MEF2D: variants seen among roughly 807,000 people sequenced by gnomAD.
The protein encoded by MEF2D is myocyte-specific enhancer factor 2D.
A neutral mutation model predicts 59.3 loss-of-function variants in MEF2D; 10 were observed. That is an observed-to-expected ratio of 0.17 (90% CI 0.10 to 0.29). MEF2D has a LOEUF of 0.29. Ranked by LOEUF, MEF2D falls within the 10% of genes least tolerant of loss-of-function variation. The probability of loss-of-function intolerance (pLI) is 1.00; values close to 1 mark genes in which losing one functional copy is unlikely to be tolerated. For missense variants in MEF2D, 508 were observed against 699.4 expected (o/e 0.73, Z 3.09); for synonymous variants, 305 against 295.0 (o/e 1.03, Z -0.35).
intron 1 of MEF2D, among the ~76,000 whole-genome samples, chr1:156,494,635 G>A (rs1673022178): frequency 1.3e-5 from 2 of 152,212 alleles, no homozygotes; most frequent in Non-Finnish European, 2.9e-5. Context: ...GCCTTAGCAG[G>A]CCAGTCCTGG....
chr1:156,484,717 G>A (rs1571251610), intron 1 of MEF2D, among the ~76,000 whole-genome samples: 2 of 152,322 alleles, frequency 1.3e-5, no homozygotes, highest in Middle Eastern at 6.8e-3. Context: ...CCATGCTAAA[G>A]CCAGGATGAG....
intron 1 of MEF2D, among the ~76,000 whole-genome samples, chr1:156,495,512 G>A (rs562768372): frequency 7.5e-4 from 114 of 152,074 alleles, no homozygotes; most frequent in Admixed American, 1.8e-3. Context: ...GATCTCAAAA[G>A]TTTTGGTTTT....
intron 7 of MEF2D, 105 bp from the exon 8 acceptor site, chr1:156,476,619 GGGTGGCTCTACCCAGC>G: frequency 1.4e-6 from 2 of 1,426,542 alleles, no homozygotes; most frequent in Non-Finnish European, 1.9e-6. Context: ...CATAAGAGTA[GGGTGGCTCTACCCAGC>G]CTACAAAGGC....
chr1:156,479,945 T>C (rs1268561356), intron 4 of MEF2D, 149 bp from the exon 5 acceptor site: 2 of 729,232 alleles, frequency 2.7e-6, no homozygotes, highest in African/African-American at 3.6e-5. Context: ...TGTGCCCTTG[T>C]GGAGTCCTGC....
chr1:156,488,072 A>G (rs1170560095), intron 1 of MEF2D, among the ~76,000 whole-genome samples: 2 of 152,192 alleles, frequency 1.3e-5, no homozygotes, highest in Middle Eastern at 3.2e-3. Flanking sequence ...TATGTCACCA[A>G]AAGTTCCCCT....
intron 1 of MEF2D, among the ~76,000 whole-genome samples, chr1:156,496,408 C>G (rs1024615281): frequency 2.6e-5 from 4 of 152,004 alleles, no homozygotes; most frequent in African/African-American, 9.7e-5. Flanking sequence ...GTGTGAGGGG[C>G]AGAGGCAGGC....
In MEF2D at chr1:156,477,009, T is replaced by C; in HGVS notation, c.855+3A>G. The C allele has an allele frequency of 6.2e-7, 1 of 1,613,722 alleles. No homozygotes were observed. Among genetic ancestry groups the C allele is most frequent in the Non-Finnish European group, 8.5e-7 (1 of 1,179,824 alleles). ...CCCACCCTTGGCCCAGACACCCACT[T>C]ACCAAGTGATGCATTAACCCCTTTC... is the stretch of plus-strand genomic sequence containing the variant. On this transcript the variant is annotated splice_donor_region_variant and intron_variant, in intron 7 of 11. Transcript: ENST00000348159.
At chr1:156,499,804 G>A (rs1157805826) in intron 1 of MEF2D, among the ~76,000 whole-genome samples, 1 of 152,108 alleles carries the variant, frequency 6.6e-6, no homozygotes, top group East Asian at 1.9e-4. Flanking sequence ...GCGGGGCTAG[G>A]AGGTCTCAAG....
rs1195256496 is a variant in MEF2D at position 156,479,338 on chromosome 1, G to T, written c.616C>A (p.Leu206Met). 6.2e-7 allele frequency: 1 copy of T among 1,612,778 alleles called. No homozygotes were observed. The highest frequency in any genetic ancestry group is 2.2e-5 in the East Asian group (1 of 44,856). Residue 206 changes from leucine to methionine, a missense_variant, in exon 6 of 12, where the codon CTG becomes ATG. Coordinates refer to ENST00000348159, the MANE Select transcript of MEF2D (RefSeq NM_005920.4). ...TTAGCACTGTTCAGGTCACCCCCCA[G>T]CATGGCCCCTGGAGGAAAAACAGAA... ...PQRPASAGAM[L>M]GGDLNSANGA...
chr1:156,477,280 A>C, intron 6 of MEF2D, 78 bp from the exon 7 acceptor site: 4 of 1,254,526 alleles, frequency 3.2e-6, no homozygotes, highest in Non-Finnish European at 3.3e-6. Context: ...CCACACCAAT[A>C]CTCCTGTTAC....
intron 3 of MEF2D, 93 bp downstream of exon 3, chr1:156,482,344 G>A: frequency 1.5e-6 from 2 of 1,303,588 alleles, no homozygotes; most frequent in Middle Eastern, 2.6e-4. Flanking sequence ...CAGTGTGTGT[G>A]CATAGGCAGG....
Position 156,466,309 on chromosome 1 carries a change from A to C in MEF2D, c.*1336T>G, listed in dbSNP as rs41267365. 0.014 allele frequency: 2,097 copies of C among 152,716 alleles called. 33 individuals carry two copies. The highest frequency in any genetic ancestry group is 0.075 in the South Asian group (363 of 4,828). The allele number at this position is 152,716 out of a possible 1,614,324, so 9.5% of individuals were successfully genotyped here. ...ATCAATACAACAACAACAAAAAAAAACAGTTTCCTGGACTGTTACACCGCT... is the reference window on the plus strand; with the variant it reads ...ATCAATACAACAACAACAAAAAAAACCAGTTTCCTGGACTGTTACACCGCT... On this transcript the variant is annotated 3_prime_UTR_variant, in exon 12 of 12. Transcript: ENST00000348159.
intron 9 of MEF2D, among the ~76,000 whole-genome samples, chr1:156,470,332 T>C (rs1671154963): frequency 6.6e-6 from 1 of 151,628 alleles, no homozygotes; most frequent in African/African-American, 2.4e-5. Context: ...GGCAGGAGAA[T>C]TGCTTGAACC....
intron 4 of MEF2D, 37 bp from the exon 5 acceptor site, chr1:156,479,833 T>C (rs189017830): frequency 1.5e-5 from 23 of 1,544,462 alleles, no homozygotes; most frequent in Middle Eastern, 1.7e-4. Context: ...TCAGGCCAGG[T>C]TGACCCCTTC....
intron 1 of MEF2D, among the ~76,000 whole-genome samples, chr1:156,496,455 G>C (rs999989788): frequency 2.0e-5 from 3 of 152,112 alleles, no homozygotes; most frequent in Non-Finnish European, 4.4e-5. Context: ...GTGGGGGAGG[G>C]GTAAGGGGCA....
In MEF2D at chr1:156,468,481, G is replaced by A. The variant is rs994887842; in HGVS notation, c.1248-182C>T. ...TCAGAAGAGGGTCGAATGAAGGGAAGAGAAGGGAAATAAGAAATATTAGTT... is the reference window on the plus strand; with the variant it reads ...TCAGAAGAGGGTCGAATGAAGGGAAAAGAAGGGAAATAAGAAATATTAGTT... On this transcript the variant is annotated intron_variant, in intron 10 of 11. Transcript: ENST00000348159. The surrounding 1 kb of genome is among the most constrained non-coding windows in gnomAD (Gnocchi z 4.3). Among the ~76,000 whole-genome samples the A allele has an allele frequency of 6.6e-6, 1 of 152,100 alleles. No homozygotes were observed. Among genetic ancestry groups the A allele is most frequent in the East Asian group, 1.9e-4 (1 of 5,196 alleles).
chr1:156,498,569 G>T (rs923291310), intron 1 of MEF2D, among the ~76,000 whole-genome samples: 2 of 151,950 alleles, frequency 1.3e-5, no homozygotes, highest in Admixed American at 1.3e-4. Flanking sequence ...CCCTACAGGG[G>T]TGAGTAAAAG....
In MEF2D at chr1:156,492,444, C is replaced by T. The variant is rs535214147; in HGVS notation, c.-139+8042G>A. Among the ~76,000 whole-genome samples, 4 of 152,356 alleles carry T rather than the reference C, an allele frequency of 2.6e-5. No individual in the cohort carries two copies. The South Asian group carries it at 8.3e-4, about 32-fold the overall frequency. On this transcript the variant is annotated intron_variant, in intron 1 of 11. Coordinates refer to ENST00000348159, the MANE Select transcript of MEF2D (RefSeq NM_005920.4). ...GCATGGAGGCCCCAGCATTGTATGC[C>T]AACCAATGGGAGCTGCAGACAACCA...
At chr1:156,479,065 T>C (rs974361481) in intron 6 of MEF2D, among the ~76,000 whole-genome samples, 1 of 152,190 alleles carries the variant, frequency 6.6e-6, no homozygotes, top group Non-Finnish European at 1.5e-5. Context: ...TTCTCACAGT[T>C]TGCCCAGAAT....
Sources: gnomAD v4.1 joint callset for allele counts (sites outside exome capture counted in the v4.1 genomes callset) on GRCh38, gnomAD v4.1.1 for gene constraint, Gnocchi (gnomAD v3.1) non-coding constraint, MANE v1.5 for transcripts, NCBI Gene and HGNC (gene_info 2026-07-23, HGNC 2026-07-21) for gene names.